RIMS3: variants seen among roughly 807,000 people sequenced by gnomAD.
RIMS3 encodes regulating synaptic membrane exocytosis protein 3.
A neutral mutation model predicts 29.2 loss-of-function variants in RIMS3; 15 were observed. The ratio of observed to expected loss-of-function variants is 0.51; its 90% confidence interval spans 0.34 to 0.79. RIMS3 has a LOEUF of 0.79. Ranked by LOEUF, RIMS3 falls within the 30% of genes least tolerant of loss-of-function variation. The pLI, the probability that RIMS3 is intolerant of heterozygous loss-of-function variation, is 0.01. For synonymous variants in RIMS3, 161 were observed against 170.1 expected, an observed-to-expected ratio of 0.95 and a Z score of 0.41; for missense variants, 342 against 421.4, an observed-to-expected ratio of 0.81 and a Z score of 1.65.
chr1:40,636,014 C>G lies in RIMS3; in HGVS notation c.261G>C (p.Thr87=). The G allele has an allele frequency of 6.2e-7, 1 of 1,607,830 alleles. No homozygotes were observed. Among genetic ancestry groups the G allele is most frequent in the South Asian group, 1.1e-5 (1 of 91,068 alleles). The part of the protein sequence containing the change: ...KKLRSNIRRS[T]ETGIAVEMRS... ...GCATCTCCACCGCGATGCCTGTCTCCGTGCTCCGGCGGATGTTGCTGCGCA... is the reference window on the plus strand; with the variant it reads ...GCATCTCCACCGCGATGCCTGTCTCGGTGCTCCGGCGGATGTTGCTGCGCA... The change falls in exon 4 of 8, where the codon ACG becomes ACC. Residue 87 remains threonine, a synonymous_variant. Coordinates refer to ENST00000372684, the MANE Select transcript of RIMS3 (RefSeq NM_014747.3). The surrounding 1 kb of genome is among the most constrained non-coding windows in gnomAD (Gnocchi z 4.2).
rs776632144 is a variant in RIMS3 at position 40,636,063 on chromosome 1, A to AC, written c.218-7dup. On this transcript the variant is annotated splice_region_variant and splice_polypyrimidine_tract_variant and intron_variant, in intron 3 of 7. Coordinates refer to ENST00000372684, the MANE Select transcript of RIMS3 (RefSeq NM_014747.3). This position sits in a 1 kb window ranked among gnomAD's most constrained non-coding sequence, Gnocchi z 4.2. ...CAGCTTCTTGGTGGCCCCTTCTGTG[A>AC]CCCCCCCAACCCCAAGCACAGAGAG... 2.9e-5 allele frequency: 47 copies of AC among 1,596,164 alleles called. No individual in the cohort carries two copies. In the Middle Eastern group the frequency reaches 6.6e-4, roughly 22 times the overall value.
chr1:40,674,385 G>A, the RIMS3 span, among the ~76,000 whole-genome samples: 2 of 152,270 alleles, frequency 1.3e-5, no homozygotes, highest in South Asian at 2.1e-4. Flanking sequence ...CTGGGGCCAC[G>A]CTTTAAACCA....
intron 7 of RIMS3, 144 bp from the exon 8 acceptor site, chr1:40,626,873 CTGAGCACT>C (rs1227867747): frequency 2.6e-5 from 19 of 734,352 alleles, no homozygotes; most frequent in Non-Finnish European, 4.1e-5. Flanking sequence ...CAATAATTTA[CTGAGCACT>C]TGAGGTGTGT....
At chr1:40,644,857 G>A (rs1273900532) in intron 2 of RIMS3, among the ~76,000 whole-genome samples, 1 of 152,242 alleles carries the variant, frequency 6.6e-6, no homozygotes, top group Non-Finnish European at 1.5e-5. Flanking sequence ...CCCCGGGCCT[G>A]GAACACTGAG....
upstream of RIMS3, chr1:40,669,127 G>C (rs1642461514): frequency 6.6e-6 from 1 of 152,226 alleles, no homozygotes; most frequent in South Asian, 2.1e-4. Flanking sequence ...TGAGCATCAA[G>C]GCGAGAATTT....
At position 40,623,763 on chromosome 1, in the gene RIMS3, G is replaced by A. The variant is rs1445059631; in HGVS notation, c.*2754C>T. ...TTCTGGGACAGGCTAGGTCCAGAGTGGCTTTTCAGACAAGCCCCTGCATCC... is the reference window on the plus strand; with the variant it reads ...TTCTGGGACAGGCTAGGTCCAGAGTAGCTTTTCAGACAAGCCCCTGCATCC... On this transcript the variant is annotated 3_prime_UTR_variant, in exon 8 of 8. Transcript: ENST00000372684. 8.0e-6 allele frequency: 3 copies of A among 377,208 alleles called. No individual in the cohort carries two copies. The East Asian group carries it at 1.1e-4, about 14-fold the overall frequency. 23.4% of individuals were successfully genotyped at this position (377,208 alleles called of 1,614,324 possible). A position where few individuals can be genotyped will look rare whatever the true frequency, so the allele number is the denominator to read the frequency against.
chr1:40,665,303 T>A (rs1324758602), intron 1 of RIMS3, 91 bp downstream of exon 1: 2 of 141,318 alleles, frequency 1.4e-5, no homozygotes, highest in Non-Finnish European at 3.1e-5. Context: ...TTGCGCTTCA[T>A]GGCCAGAGCC....
At chr1:40,645,383 G>C (rs1268018444) in intron 2 of RIMS3, among the ~76,000 whole-genome samples, 1 of 152,152 alleles carries the variant, frequency 6.6e-6, no homozygotes, top group Non-Finnish European at 1.5e-5. Context: ...AGAAGTAAAG[G>C]ACTTGTTCAT....
At chr1:40,675,970 A>T in the RIMS3 span, among the ~76,000 whole-genome samples, 1 of 152,084 alleles carries the variant, frequency 6.6e-6, no homozygotes. Context: ...CAGGAAAGCC[A>T]TGTGCAGGCC....
intron 4 of RIMS3, among the ~76,000 whole-genome samples, chr1:40,634,219 T>C (rs970329771): frequency 1.3e-5 from 2 of 152,050 alleles, no homozygotes; most frequent in East Asian, 1.9e-4. Flanking sequence ...CTAGATAGTT[T>C]GGCCTTGAGT....
chr1:40,639,920 G>A (rs1383227550), intron 3 of RIMS3, among the ~76,000 whole-genome samples: 1 of 152,120 alleles, frequency 6.6e-6, no homozygotes, highest in Non-Finnish European at 1.5e-5. Context: ...AAGGGATTCA[G>A]AAGCCCCATC....
chr1:40,674,853 T>C, the RIMS3 span, among the ~76,000 whole-genome samples: 1 of 152,194 alleles, frequency 6.6e-6, no homozygotes, highest in African/African-American at 2.4e-5. Context: ...TTCTATACCT[T>C]ATAAATTACC....
At chr1:40,653,082 A>G (rs1642214705) in intron 1 of RIMS3, among the ~76,000 whole-genome samples, 1 of 152,152 alleles carries the variant, frequency 6.6e-6, no homozygotes, top group African/African-American at 2.4e-5. Flanking sequence ...GAGAAGATGA[A>G]TTCCCAGTTT....
In RIMS3 at chr1:40,629,139, T is replaced by G. The variant is rs1570170027; in HGVS notation, c.574+132A>C. Reference sequence around the variant, plus strand: ...CTCCCTTACTCCCCCACCTAGTCACTGGCCTTCCAGGCAAGCTGTGACTCC... The same window carrying G: ...CTCCCTTACTCCCCCACCTAGTCACGGGCCTTCCAGGCAAGCTGTGACTCC... On this transcript the variant is annotated intron_variant, in intron 6 of 7. Coordinates refer to ENST00000372684, the MANE Select transcript of RIMS3 (RefSeq NM_014747.3). 2.8e-6 allele frequency: 3 copies of G among 1,075,556 alleles called. No homozygotes were observed. In the East Asian group the frequency reaches 7.3e-5, roughly 26 times the overall value. 66.6% of individuals were successfully genotyped at this position (1,075,556 alleles called of 1,614,324 possible).
chr1:40,640,371 C>T (rs7555073), intron 3 of RIMS3, among the ~76,000 whole-genome samples: 19,380 of 152,038 alleles, frequency 0.13, 1,354 homozygotes, highest in African/African-American at 0.16. Flanking sequence ...CTTTCCCCAG[C>T]GAGAAACCAC....
the RIMS3 span, among the ~76,000 whole-genome samples, chr1:40,680,456 C>T: frequency 6.6e-6 from 1 of 151,866 alleles, no homozygotes; most frequent in African/African-American, 2.4e-5. Flanking sequence ...CTCAGCCTCC[C>T]AAGTAGCTAG....
At chr1:40,670,776 A>C in the RIMS3 span, among the ~76,000 whole-genome samples, 1 of 150,884 alleles carries the variant, frequency 6.6e-6, no homozygotes, top group East Asian at 1.9e-4. Context: ...TTTTGTAGAG[A>C]TGGGGTTTCA....
Position 40,625,045 on chromosome 1 carries a change from A to T in RIMS3, c.*1472T>A, listed in dbSNP as rs1270290620. The T allele has an allele frequency of 2.0e-5, 3 of 152,364 alleles. No individual in the cohort carries two copies. The highest frequency in any genetic ancestry group is 4.4e-5 in the Non-Finnish European group (3 of 68,208). 9.4% of individuals were successfully genotyped at this position (152,364 alleles called of 1,614,324 possible). A position where few individuals can be genotyped will look rare whatever the true frequency, so the allele number is the denominator to read the frequency against. On this transcript the variant is annotated 3_prime_UTR_variant, in exon 8 of 8. Transcript: ENST00000372684. ...TGCAACCTCTCGCCTTTCACCCTAG[A>T]GCTGAGGAGGGACAGGGACAGGTCT...
At chr1:40,680,750 AATTCC>A in the RIMS3 span, among the ~76,000 whole-genome samples, 1 of 152,224 alleles carries the variant, frequency 6.6e-6, no homozygotes, top group Non-Finnish European at 1.5e-5. Flanking sequence ...TCAAATTTTC[AATTCC>A]ATTCCATTTT....
Sources: gnomAD v4.1 joint callset for allele counts (sites outside exome capture counted in the v4.1 genomes callset) on GRCh38, gnomAD v4.1.1 for gene constraint, Gnocchi (gnomAD v3.1) non-coding constraint, MANE v1.5 for transcripts, NCBI Gene and HGNC (gene_info 2026-07-23, HGNC 2026-07-21) for gene names.